Variants in BRINP3 observed in about 807,000 individuals in gnomAD.
BRINP3 encodes the protein BMP/retinoic acid-inducible neural-specific protein 3.
BRINP3 carries 19 observed loss-of-function variants against 71.0 expected under a neutral mutation model. The ratio of observed to expected loss-of-function variants is 0.27; its 90% CI spans 0.19 to 0.39. BRINP3 has a LOEUF of 0.39. Among genes scored for constraint, BRINP3 ranks in the 10% least tolerant of loss-of-function variants. The pLI, the probability that BRINP3 is intolerant of heterozygous loss-of-function variation, is 1.00. For synonymous variants in BRINP3, 380 were observed against 337.7 expected, an observed-to-expected ratio of 1.13 and a Z score of -1.37; for missense variants, 959 against 940.8, an observed-to-expected ratio of 1.02 and a Z score of -0.25.
chr1:190,262,327 C>A (rs953580420), intron 4 of BRINP3, among the ~76,000 whole-genome samples: 3 of 152,074 alleles, frequency 2.0e-5, no homozygotes, highest in Non-Finnish European at 4.4e-5. Context: ...CTAAATTAAA[C>A]CCTGAAAGGT....
intron 6 of BRINP3, among the ~76,000 whole-genome samples, chr1:190,165,731 C>A (rs989609671): frequency 6.6e-6 from 1 of 150,996 alleles, no homozygotes; most frequent in African/African-American, 2.4e-5. Context: ...TCAAAAACCT[C>A]GACACTACAG....
At chr1:190,419,206 A>C (rs1558269716) in intron 2 of BRINP3, among the ~76,000 whole-genome samples, 1 of 152,064 alleles carries the variant, frequency 6.6e-6, no homozygotes, top group African/African-American at 2.4e-5. Context: ...AATGTTTCAA[A>C]AGCATTACAT....
chr1:190,447,989 G>T (rs1675340939), intron 2 of BRINP3, among the ~76,000 whole-genome samples: 1 of 151,526 alleles, frequency 6.6e-6, no homozygotes, highest in Non-Finnish European at 1.5e-5. Flanking sequence ...AGGCTTTTTA[G>T]TATACATTTG....
At chr1:190,249,802 A>T (rs1392954940) in intron 4 of BRINP3, among the ~76,000 whole-genome samples, 1 of 151,926 alleles carries the variant, frequency 6.6e-6, no homozygotes, top group Admixed American at 6.6e-5. Context: ...TGCATGTCAC[A>T]AAAGACTAAT....
intron 2 of BRINP3, among the ~76,000 whole-genome samples, chr1:190,326,823 G>A (rs540183933): frequency 6.6e-6 from 1 of 152,026 alleles, no homozygotes; most frequent in African/African-American, 2.4e-5. Context: ...GTAAACAAAA[G>A]AATGATAGCC....
intron 7 of BRINP3, among the ~76,000 whole-genome samples, chr1:190,145,144 A>G (rs1655778240): frequency 6.6e-6 from 1 of 152,080 alleles, no homozygotes; most frequent in African/African-American, 2.4e-5. Flanking sequence ...TTTCCAGGCT[A>G]TTTATATACA....
chr1:190,138,154 A>G (rs1175328282), intron 7 of BRINP3, among the ~76,000 whole-genome samples: 1 of 152,046 alleles, frequency 6.6e-6, no homozygotes, highest in African/African-American at 2.4e-5. Context: ...GGGTTTCTCC[A>G]TGTTGGTCAG....
chr1:190,260,329 T>A (rs775294787), intron 4 of BRINP3, among the ~76,000 whole-genome samples: 3 of 152,088 alleles, frequency 2.0e-5, no homozygotes, highest in African/African-American at 7.2e-5. Flanking sequence ...GTATGTAAGA[T>A]GAAAAGATGA....
chr1:190,392,428 G>C (rs1475196155), intron 2 of BRINP3, among the ~76,000 whole-genome samples: 1 of 151,516 alleles, frequency 6.6e-6, no homozygotes, highest in Non-Finnish European at 1.5e-5. Flanking sequence ...AACCCTGAGA[G>C]TAAGAAAAGT....
intron 2 of BRINP3, among the ~76,000 whole-genome samples, chr1:190,411,731 G>C (rs1351190112): frequency 6.6e-6 from 1 of 152,078 alleles, no homozygotes; most frequent in Non-Finnish European, 1.5e-5. Flanking sequence ...GTTTTACAAG[G>C]TGGAATAAAA....
At chr1:190,130,367 ACTTACT>A (rs900927678) in intron 7 of BRINP3, among the ~76,000 whole-genome samples, 1 of 152,008 alleles carries the variant, frequency 6.6e-6, no homozygotes, top group African/African-American at 2.4e-5. Context: ...AAATGTTTTT[ACTTACT>A]CTTATAATTA....
intron 2 of BRINP3, among the ~76,000 whole-genome samples, chr1:190,368,866 A>G (rs554374144): frequency 1.3e-5 from 2 of 152,316 alleles, no homozygotes; most frequent in African/African-American, 4.8e-5. Flanking sequence ...TAGAAGGTTT[A>G]TAAGCTCTGG....
At chr1:190,251,774 A>G (rs1660166204) in intron 4 of BRINP3, among the ~76,000 whole-genome samples, 1 of 150,366 alleles carries the variant, frequency 6.7e-6, no homozygotes. Flanking sequence ...ACTTAATATG[A>G]TATTTAACAA....
At chr1:190,189,040 G>A (rs987101503) in intron 6 of BRINP3, among the ~76,000 whole-genome samples, 3 of 152,032 alleles carry the variant, frequency 2.0e-5, no homozygotes, top group East Asian at 1.9e-4. Flanking sequence ...GATTACAGGC[G>A]TGAGCTGGTA....
intron 7 of BRINP3, among the ~76,000 whole-genome samples, chr1:190,153,819 A>G (rs1192511854): frequency 1.3e-5 from 2 of 152,186 alleles, no homozygotes; most frequent in East Asian, 3.9e-4. Context: ...TATGATCACA[A>G]CAGCCTGAGC....
At chr1:190,116,776 C>A (rs1653170303) in intron 7 of BRINP3, among the ~76,000 whole-genome samples, 1 of 151,990 alleles carries the variant, frequency 6.6e-6, no homozygotes, top group Admixed American at 6.6e-5. Flanking sequence ...AAGTATTTAA[C>A]TATTTGCCTG....
intron 2 of BRINP3, among the ~76,000 whole-genome samples, chr1:190,326,130 T>C (rs1040180801): frequency 6.6e-6 from 1 of 152,050 alleles, no homozygotes; most frequent in African/African-American, 2.4e-5. Flanking sequence ...ACTTAGGAAA[T>C]TTCAAAATAC....
chr1:190,125,940 C>A (rs1483359706), intron 7 of BRINP3, among the ~76,000 whole-genome samples: 2 of 151,982 alleles, frequency 1.3e-5, no homozygotes, highest in Non-Finnish European at 2.9e-5. Context: ...CACAGAACCA[C>A]AGCTAAAAGG....
rs115009569 is a variant in BRINP3, at chr1:190,305,961, T to C, written c.237-24211A>G. Among the ~76,000 whole-genome samples, 238 of 152,014 alleles carry C rather than the reference T, an allele frequency of 1.6e-3. 1 individual carries two copies. Among genetic ancestry groups the C allele is most frequent in the African/African-American group, 5.5e-3 (227 of 41,530 alleles). ...TAACGAAGAAAAATATTTTATACTA[T>C]ATGTCCTATCACATGCACATACTTA... On this transcript the variant is annotated intron_variant, in intron 2 of 7. Coordinates refer to ENST00000367462, the MANE Select transcript of BRINP3 (RefSeq NM_199051.3).
Sources: gnomAD v4.1 joint callset for allele counts (sites outside exome capture counted in the v4.1 genomes callset) on GRCh38, gnomAD v4.1.1 for gene constraint, MANE v1.5 for transcripts, NCBI Gene and HGNC (gene_info 2026-07-23, HGNC 2026-07-21) for gene names.